The following EXOC6B variants were observed in gnomAD, a reference collection of about 807,000 sequenced individuals.
EXOC6B encodes the protein SEC15 homolog B.
A neutral mutation model predicts 113.5 loss-of-function variants in EXOC6B; 54 were observed. The ratio of observed to expected loss-of-function variants is 0.48; its 90% CI spans 0.38 to 0.60. EXOC6B has a LOEUF of 0.60. EXOC6B is among the 20% of genes least tolerant of loss of function. EXOC6B has a pLI of 0.00. For missense variants in EXOC6B, 797 were observed against 977.5 expected, an observed-to-expected ratio of 0.82 and a Z score of 2.46; for synonymous variants, 357 against 339.0, an observed-to-expected ratio of 1.05 and a Z score of -0.58.
At chr2:72,702,042 G>C (rs1392742709) in intron 6 of EXOC6B, among the ~76,000 whole-genome samples, 1 of 151,146 alleles carries the variant, frequency 6.6e-6, no homozygotes, top group Non-Finnish European at 1.5e-5. Flanking sequence ...TCTAGTATTA[G>C]GTATATCTCC....
At chr2:72,378,874 C>T (rs555083104) in intron 19 of EXOC6B, among the ~76,000 whole-genome samples, 4 of 152,216 alleles carry the variant, frequency 2.6e-5, no homozygotes, top group Admixed American at 6.5e-5. Flanking sequence ...CATTCAACTT[C>T]GAGTAGATGA....
At chr2:72,361,761 G>C (rs903879284) in intron 19 of EXOC6B, among the ~76,000 whole-genome samples, 4 of 152,090 alleles carry the variant, frequency 2.6e-5, no homozygotes, top group African/African-American at 9.7e-5. Flanking sequence ...ACCTGAGTCA[G>C]AGGAGAGTCA....
Position 72,203,734 on chromosome 2 carries a change from C to T in EXOC6B, c.2197-19547G>A, listed in dbSNP as rs117070125. Among the ~76,000 whole-genome samples, 547 of 152,262 alleles carry T rather than the reference C, an allele frequency of 3.6e-3. 14 individuals carry two copies. In the East Asian group the frequency reaches 0.051, roughly 14 times the overall value. On this transcript the variant is annotated intron_variant, in intron 20 of 21. Coordinates refer to ENST00000272427, the MANE Select transcript of EXOC6B (RefSeq NM_015189.3). The stretch of plus-strand genomic sequence containing the variant: ...AGAATGAATTGTATTCCCACATTCT[C>T]AAGAGGGCTGCTGAGGTACAACAGA...
intron 15 of EXOC6B, among the ~76,000 whole-genome samples, chr2:72,493,491 A>C (rs1361024252): frequency 6.6e-6 from 1 of 151,908 alleles, no homozygotes; most frequent in Non-Finnish European, 1.5e-5. Context: ...CAGAAGTGTT[A>C]TTACTATGTG....
At chr2:72,823,393 G>T (rs746996631) in intron 1 of EXOC6B, among the ~76,000 whole-genome samples, 2 of 133,890 alleles carry the variant, frequency 1.5e-5, no homozygotes, top group African/African-American at 5.5e-5. Flanking sequence ...TATTTAAACC[G>T]TAATGTATAT....
intron 18 of EXOC6B, among the ~76,000 whole-genome samples, chr2:72,424,172 C>T (rs1488602331): frequency 6.6e-6 from 1 of 152,014 alleles, no homozygotes; most frequent in Non-Finnish European, 1.5e-5. Context: ...GTTAATATTA[C>T]ACAATTCTTG....
intron 8 of EXOC6B, among the ~76,000 whole-genome samples, chr2:72,539,749 T>C (rs72845193): frequency 0.029 from 1,814 of 61,730 alleles, 47 homozygotes; most frequent in African/African-American, 0.071. Flanking sequence ...TGTGTGTGTG[T>C]GCGCGCGCGC....
intron 7 of EXOC6B, among the ~76,000 whole-genome samples, chr2:72,563,138 T>A (rs1180018586): frequency 6.6e-6 from 1 of 152,154 alleles, no homozygotes; most frequent in Admixed American, 6.5e-5. Flanking sequence ...AGGATACATT[T>A]TTTAATAACG....
chr2:72,724,148 C>A (rs1445839270), intron 5 of EXOC6B, among the ~76,000 whole-genome samples: 1 of 151,936 alleles, frequency 6.6e-6, no homozygotes, highest in African/African-American at 2.4e-5. Context: ...CTGCTAAGTA[C>A]TAGGACAGGC....
intron 6 of EXOC6B, among the ~76,000 whole-genome samples, chr2:72,675,386 C>A (rs1194344442): frequency 6.6e-6 from 1 of 152,206 alleles, no homozygotes; most frequent in African/African-American, 2.4e-5. Flanking sequence ...AATGACTGTG[C>A]AAACTGGATT....
intron 8 of EXOC6B, among the ~76,000 whole-genome samples, chr2:72,543,908 T>A (rs114845208): frequency 0.018 from 2,710 of 152,248 alleles, 44 homozygotes; most frequent in Middle Eastern, 0.037. Flanking sequence ...TACCAAATAT[T>A]TCAGGGCAAA....
intron 11 of EXOC6B, among the ~76,000 whole-genome samples, chr2:72,505,036 A>T (rs1176217336): frequency 6.6e-6 from 1 of 152,090 alleles, no homozygotes. Flanking sequence ...ATTTTTCACT[A>T]AGTGGCATAT....
At chr2:72,801,182 A>G (rs1685252819) in intron 1 of EXOC6B, among the ~76,000 whole-genome samples, 1 of 152,190 alleles carries the variant, frequency 6.6e-6, no homozygotes, top group Non-Finnish European at 1.5e-5. Flanking sequence ...TAGAACAGCA[A>G]TTTCTACTGA....
At chr2:72,741,231 A>G in intron 2 of EXOC6B, 73 bp downstream of exon 2, 1 of 1,416,286 alleles carries the variant, frequency 7.1e-7, no homozygotes, top group Non-Finnish European at 9.6e-7. Flanking sequence ...CTATGTTATA[A>G]TCCTTAATCC....
intron 20 of EXOC6B, among the ~76,000 whole-genome samples, chr2:72,204,407 A>C (rs1287632371): frequency 6.6e-6 from 1 of 152,206 alleles, no homozygotes; most frequent in African/African-American, 2.4e-5. Flanking sequence ...CAAAAGGCAG[A>C]GAATGGGTGG....
At chr2:72,280,186 T>C (rs1685049286) in intron 20 of EXOC6B, among the ~76,000 whole-genome samples, 1 of 152,116 alleles carries the variant, frequency 6.6e-6, no homozygotes, top group African/African-American at 2.4e-5. Context: ...TTTCTTTACT[T>C]TTATTTCTCT....
At chr2:72,800,800 C>G (rs1321451692) in intron 1 of EXOC6B, among the ~76,000 whole-genome samples, 1 of 152,144 alleles carries the variant, frequency 6.6e-6, no homozygotes, top group Non-Finnish European at 1.5e-5. Flanking sequence ...GATAAGCCAA[C>G]ATTATTTTTA....
chr2:72,757,418 T>C (rs1682488181), intron 1 of EXOC6B, among the ~76,000 whole-genome samples: 1 of 152,194 alleles, frequency 6.6e-6, no homozygotes, highest in Admixed American at 6.5e-5. Flanking sequence ...ATCACAGGAA[T>C]TTCCTCTGGC....
At chr2:72,381,750 T>A (rs1159522202) in intron 18 of EXOC6B, among the ~76,000 whole-genome samples, 4 of 152,178 alleles carry the variant, frequency 2.6e-5, no homozygotes, top group Non-Finnish European at 5.9e-5. Context: ...TATGGTATGT[T>A]CTGATTTGCA....
Sources: allele counts gnomAD v4.1 joint callset (sites outside exome capture counted in the v4.1 genomes callset), GRCh38; gene constraint gnomAD v4.1.1; transcripts MANE v1.5; gene names NCBI Gene and HGNC (gene_info 2026-07-23, HGNC 2026-07-21).